The following GTF2A1 variants were observed in gnomAD, a reference collection of about 807,000 sequenced individuals.
GTF2A1 encodes general transcription factor IIA subunit 1, also known as transcription initiation factor IIA subunit 1.
Under a neutral mutation model 54.1 loss-of-function variants are expected in GTF2A1, and 12 were observed. That is an observed-to-expected ratio of 0.22 (90% CI 0.14 to 0.36). The LOEUF is 0.36. Ranked by LOEUF, GTF2A1 falls within the 10% of genes least tolerant of loss-of-function variation. The pLI is 1.00. For missense variants in GTF2A1, 335 were observed against 442.2 expected (o/e 0.76, Z 2.17); for synonymous variants, 145 against 152.0 (o/e 0.95, Z 0.34).
intron 2 of GTF2A1, among the ~76,000 whole-genome samples, chr14:81,215,234 T>G (rs1893461586): frequency 6.6e-6 from 1 of 152,236 alleles, no homozygotes; most frequent in African/African-American, 2.4e-5. Context: ...ATTCAGTTTG[T>G]CAGAAATGAG....
chr14:81,219,791 G>A (rs979070638), intron 1 of GTF2A1, among the ~76,000 whole-genome samples: 1 of 152,176 alleles, frequency 6.6e-6, no homozygotes, highest in African/African-American at 2.4e-5. Flanking sequence ...GGCGAAAGCG[G>A]GGACACTTGG....
rs137935928 is a variant in GTF2A1, at chr14:81,211,266, C to T, written c.132+5147G>A. On this transcript the variant is annotated intron_variant, in intron 2 of 8. Coordinates refer to ENST00000553612, the MANE Select transcript of GTF2A1 (RefSeq NM_015859.4). ...ACCCTCACTTGCCTCCCTTTAATCC[C>T]AGTACTAGTCCAAATTCCTAGTCTC... Among the ~76,000 whole-genome samples the T allele has an allele frequency of 2.2e-3, 339 of 152,260 alleles. 2 individuals are homozygous for T. Among genetic ancestry groups the T allele is most frequent in the African/African-American group, 7.9e-3 (328 of 41,538 alleles).
rs1892582383 is a variant in GTF2A1 at position 81,178,831 on chromosome 14, T to C, written c.*1392A>G. The C allele has an allele frequency of 6.6e-6, 1 of 152,216 alleles. No homozygotes were observed. The highest frequency in any genetic ancestry group is 2.1e-4 in the South Asian group (1 of 4,832). 9.4% of individuals were successfully genotyped at this position (152,216 alleles called of 1,614,324 possible). A position where few individuals can be genotyped will look rare whatever the true frequency, so the allele number is the denominator to read the frequency against. On this transcript the variant is annotated 3_prime_UTR_variant, in exon 9 of 9. Coordinates refer to ENST00000553612, the MANE Select transcript of GTF2A1 (RefSeq NM_015859.4). ...GATAAACCATGGAAAGTTGAATTCGTTGTAAGAACACAATGGTGAAGACAA... is the reference window on the plus strand; with the variant it reads ...GATAAACCATGGAAAGTTGAATTCGCTGTAAGAACACAATGGTGAAGACAA...
At chr14:81,211,881 A>ATT (rs1893376038) in intron 2 of GTF2A1, among the ~76,000 whole-genome samples, 2 of 45,744 alleles carry the variant, frequency 4.4e-5, no homozygotes, top group African/African-American at 8.9e-5. Flanking sequence ...TACTTTATAT[A>ATT]TATATATATA....
At chr14:81,220,036 G>A (rs1432017917) in intron 1 of GTF2A1, among the ~76,000 whole-genome samples, 1 of 151,614 alleles carries the variant, frequency 6.6e-6, no homozygotes, top group Non-Finnish European at 1.5e-5. Context: ...GCATTAAAGT[G>A]GATCACGATG....
rs942034372 is a variant in GTF2A1, at chr14:81,179,707, A to G, written c.*516T>C. ...GGGAGAATAGCAAGTAAAAATATTT[A>G]AGACCTATTATGAGAGTTTTAAATT... On this transcript the variant is annotated 3_prime_UTR_variant, in exon 9 of 9. Coordinates refer to ENST00000553612, the MANE Select transcript of GTF2A1 (RefSeq NM_015859.4). 1 of 152,244 alleles carries G rather than the reference A, an allele frequency of 6.6e-6. No homozygotes were observed. The highest frequency in any genetic ancestry group is 1.5e-5 in the Non-Finnish European group (1 of 68,040). The allele number at this position is 152,244 out of a possible 1,614,324, so 9.4% of individuals were successfully genotyped here.
intron 8 of GTF2A1, 87 bp from the exon 9 acceptor site, chr14:81,180,417 G>A (rs997309849): frequency 1.9e-4 from 124 of 669,466 alleles, no homozygotes; most frequent in Middle Eastern, 3.9e-4. Context: ...ACACACACAC[G>A]TACACACACA....
chr14:81,192,266 C>T (rs1566853780), intron 7 of GTF2A1, among the ~76,000 whole-genome samples: 2 of 152,286 alleles, frequency 1.3e-5, no homozygotes, highest in East Asian at 1.9e-4. Context: ...CTTTACTACA[C>T]ATATTAATAC....
At position 81,187,097 on chromosome 14, in the gene GTF2A1, G is replaced by A. The variant is rs371056556; in HGVS notation, c.934-1477C>T. Among the ~76,000 whole-genome samples, 13 of 152,254 alleles carry A rather than the reference G, an allele frequency of 8.5e-5. No homozygotes were observed. In the East Asian group the frequency reaches 1.5e-3, roughly 18 times the overall value. On this transcript the variant is annotated intron_variant, in intron 7 of 8. Coordinates refer to ENST00000553612, the MANE Select transcript of GTF2A1 (RefSeq NM_015859.4). The stretch of plus-strand genomic sequence containing the variant: ...ACACCAGGCGTGGTGGCTCACACCT[G>A]TAATTCCAGCACTTTGGGAGGCTGA...
intron 8 of GTF2A1, among the ~76,000 whole-genome samples, chr14:81,183,804 C>T (rs764798037): frequency 6.6e-6 from 1 of 152,158 alleles, no homozygotes; most frequent in Non-Finnish European, 1.5e-5. Flanking sequence ...CTTTATTAGT[C>T]GTTCTATGAT....
At chr14:81,200,266 C>T (rs752676397) in intron 4 of GTF2A1, among the ~76,000 whole-genome samples, 2 of 152,050 alleles carry the variant, frequency 1.3e-5, no homozygotes, top group African/African-American at 2.4e-5. Context: ...CACAAATGAA[C>T]TTTGTGATTC....
chr14:81,196,004 C>T (rs1892984632), intron 6 of GTF2A1, 104 bp downstream of exon 6: 2 of 1,002,572 alleles, frequency 2.0e-6, no homozygotes, highest in Admixed American at 2.0e-5. Context: ...GTCTGTAGCA[C>T]TGAAAAAGAG....
intron 6 of GTF2A1, among the ~76,000 whole-genome samples, chr14:81,194,037 CT>C: frequency 6.6e-6 from 1 of 152,154 alleles, no homozygotes; most frequent in Non-Finnish European, 1.5e-5. Context: ...TCAAATATTA[CT>C]TATATTATTA....
At chr14:81,183,443 T>C (rs1892679291) in intron 8 of GTF2A1, among the ~76,000 whole-genome samples, 1 of 152,098 alleles carries the variant, frequency 6.6e-6, no homozygotes, top group East Asian at 1.9e-4. Context: ...GACAGGACAA[T>C]TTGCAAAAAA....
At position 81,206,905 on chromosome 14, in the gene GTF2A1, C is replaced by T. The variant is rs116767322; in HGVS notation, c.133-2801G>A. ...TGAGAAAAAATCAGACTGTACTACA[C>T]TGAGAAAAAACTTTTGCAGATTTTT... is the stretch of plus-strand genomic sequence containing the variant. On this transcript the variant is annotated intron_variant, in intron 2 of 8. Coordinates refer to ENST00000553612, the MANE Select transcript of GTF2A1 (RefSeq NM_015859.4). 8.7e-3 allele frequency among the ~76,000 whole-genome samples: 1,325 copies of T among 152,138 alleles called. 15 individuals are homozygous for T. The highest frequency in any genetic ancestry group is 0.031 in the African/African-American group (1,271 of 41,492).
chr14:81,220,470 C>T lies in GTF2A1; in HGVS notation c.30+19G>A, dbSNP rs1213195534. On this transcript the variant is annotated intron_variant, in intron 1 of 8. Coordinates refer to ENST00000553612, the MANE Select transcript of GTF2A1 (RefSeq NM_015859.4). ...CAGCCTGAACGAAGCCCCCGCCGGC[C>T]ACCGAACCACGTCCTTACCACGGTG... is the stretch of plus-strand genomic sequence containing the variant. The T allele has an allele frequency of 6.4e-7, 1 of 1,552,304 alleles. No individual in the cohort carries two copies. Among genetic ancestry groups the T allele is most frequent in the Non-Finnish European group, 8.7e-7 (1 of 1,146,584 alleles).
intron 5 of GTF2A1, 69 bp from the exon 6 acceptor site, chr14:81,196,310 A>G: frequency 1.4e-6 from 2 of 1,473,002 alleles, no homozygotes; most frequent in South Asian, 2.3e-5. Context: ...ATGAATTCAT[A>G]TTTAATTTCA....
chr14:81,198,945 G>A (rs1893046473), intron 4 of GTF2A1, among the ~76,000 whole-genome samples: 1 of 152,094 alleles, frequency 6.6e-6, no homozygotes, highest in Non-Finnish European at 1.5e-5. Context: ...TCTTGGGCCT[G>A]AAATTCCCAC....
At chr14:81,199,686 T>A (rs1039019834) in intron 4 of GTF2A1, among the ~76,000 whole-genome samples, 1 of 152,166 alleles carries the variant, frequency 6.6e-6, no homozygotes, top group African/African-American at 2.4e-5. Context: ...TCAATTTTCC[T>A]GAGTAACTGA....
Sources: allele counts gnomAD v4.1 joint callset (sites outside exome capture counted in the v4.1 genomes callset), GRCh38; gene constraint gnomAD v4.1.1; transcripts MANE v1.5; gene names NCBI Gene and HGNC (gene_info 2026-07-23, HGNC 2026-07-21).